Variants in PARPBP observed in about 807,000 individuals in gnomAD.
PARPBP encodes the protein PARP1 binding protein, also known as PCNA-interacting partner.
PARPBP carries 52 observed loss-of-function variants against 50.0 expected under a neutral mutation model. That is an observed-to-expected ratio of 1.04 (90% confidence interval 0.83 to 1.31). The LOEUF (loss-of-function observed/expected upper bound fraction) is 1.31, where lower values mean the gene tolerates loss of function less well. Among genes scored for constraint, PARPBP ranks in the 50% most tolerant of loss-of-function variants. The pLI is 0.00. For synonymous variants in PARPBP, 244 were observed against 232.1 expected (o/e 1.05, Z -0.47); for missense variants, 697 against 672.0 (o/e 1.04, Z -0.41).
At position 102,196,343 on chromosome 12, in the gene PARPBP, G is replaced by T; in HGVS notation, c.*52G>T. 8.5e-7 allele frequency: 1 copy of T among 1,179,954 alleles called. No individual in the cohort carries two copies. Among genetic ancestry groups the T allele is most frequent in the Non-Finnish European group, 1.2e-6 (1 of 830,984 alleles). 73.1% of individuals were successfully genotyped at this position (1,179,954 alleles called of 1,614,324 possible). A position where few individuals can be genotyped will look rare whatever the true frequency, so the allele number is the denominator to read the frequency against. On this transcript the variant is annotated 3_prime_UTR_variant, in exon 11 of 11. Coordinates refer to ENST00000327680, the MANE Select transcript of PARPBP (RefSeq NM_017915.5). Reference sequence around the variant, plus strand: ...ATGTATCTATAAACCATTCACCAAAGACATGCTTAATTTTTAAGAGATCAA... The same window carrying T: ...ATGTATCTATAAACCATTCACCAAATACATGCTTAATTTTTAAGAGATCAA...
chr12:102,190,850 T>G (rs973863519), intron 9 of PARPBP, among the ~76,000 whole-genome samples: 4 of 151,988 alleles, frequency 2.6e-5, no homozygotes, highest in African/African-American at 9.7e-5. Context: ...TGGAGTGAAA[T>G]GAAATGGGTG....
At chr12:102,175,721 T>C (rs1243109343) in intron 7 of PARPBP, 55 bp downstream of exon 7, 1 of 1,121,862 alleles carries the variant, frequency 8.9e-7, no homozygotes, top group Admixed American at 2.5e-5. Context: ...ATCTCTTCTA[T>C]TTATTGTAGA....
intron 2 of PARPBP, among the ~76,000 whole-genome samples, chr12:102,136,594 C>T (rs1473651364): frequency 6.6e-6 from 1 of 152,168 alleles, no homozygotes; most frequent in Non-Finnish European, 1.5e-5. Flanking sequence ...TTTCTACTTG[C>T]TAATTCACTT....
In PARPBP at chr12:102,164,603, T is replaced by A; in HGVS notation, c.661T>A (p.Phe221Ile). 6.2e-7 allele frequency: 1 copy of A among 1,612,986 alleles called. No individual in the cohort carries two copies. The highest frequency in any genetic ancestry group is 8.5e-7 in the Non-Finnish European group (1 of 1,179,140). The change falls in exon 5 of 11, where the codon TTT (phenylalanine) becomes ATT (isoleucine). Residue 221 changes from phenylalanine to isoleucine, a missense_variant. Phe to Ile is a conservative substitution (Grantham distance 21). Coordinates refer to ENST00000327680, the MANE Select transcript of PARPBP (RefSeq NM_017915.5). ...TGCTCGAGAGAAACAAATGTCTATC[T>A]TTTTGGTATGGTTGTGTGACATGTT... ...HAAREKQMSI[F>I]LVATSFIRTI... is the part of the protein sequence containing the mutation.
At chr12:102,170,976 A>G (rs1330677778) in intron 6 of PARPBP, among the ~76,000 whole-genome samples, 1 of 142,762 alleles carries the variant, frequency 7.0e-6, no homozygotes, top group African/African-American at 2.6e-5. Flanking sequence ...ACATTAGCCT[A>G]GGTCTACACA....
rs778680684 is a variant in PARPBP at position 102,196,343 on chromosome 12, G to C, written c.*52G>C. 2 of 1,179,954 alleles carry C rather than the reference G, an allele frequency of 1.7e-6. No homozygotes were observed. Among genetic ancestry groups the C allele is most frequent in the Admixed American group, 4.7e-5 (2 of 42,668 alleles). The allele number at this position is 1,179,954 out of a possible 1,614,324, so 73.1% of individuals were successfully genotyped here. ...ATGTATCTATAAACCATTCACCAAA[G>C]ACATGCTTAATTTTTAAGAGATCAA... On this transcript the variant is annotated 3_prime_UTR_variant, in exon 11 of 11. Transcript: ENST00000327680.
chr12:102,180,547 A>G (rs977706935), intron 8 of PARPBP, among the ~76,000 whole-genome samples: 1 of 152,092 alleles, frequency 6.6e-6, no homozygotes, highest in African/African-American at 2.4e-5. Flanking sequence ...TGCAAAAATA[A>G]AAAAGAATTA....
At chr12:102,133,376 G>GC (rs1555211511) in intron 2 of PARPBP, among the ~76,000 whole-genome samples, 2 of 151,878 alleles carry the variant, frequency 1.3e-5, no homozygotes, top group Non-Finnish European at 2.9e-5. Context: ...TTTGTCAGAT[G>GC]TTTTTTTCTG....
At chr12:102,184,909 A>G (rs1206375471) in intron 9 of PARPBP, among the ~76,000 whole-genome samples, 1 of 152,174 alleles carries the variant, frequency 6.6e-6, no homozygotes, top group Non-Finnish European at 1.5e-5. Flanking sequence ...CTTTTGGCAT[A>G]TAGTGGTTTT....
chr12:102,161,639 G>T (rs1055722953), intron 4 of PARPBP, among the ~76,000 whole-genome samples: 1 of 152,082 alleles, frequency 6.6e-6, no homozygotes, highest in African/African-American at 2.4e-5. Context: ...ATCAGAAAGT[G>T]GCTAGGCATG....
Position 102,195,931 on chromosome 12 carries a change from C to T in PARPBP, c.1400-20C>T. 1 of 1,479,298 alleles carries T rather than the reference C, an allele frequency of 6.8e-7. No homozygotes were observed. Among genetic ancestry groups the T allele is most frequent in the Non-Finnish European group, 9.2e-7 (1 of 1,092,890 alleles). 91.6% of individuals were successfully genotyped at this position (1,479,298 alleles called of 1,614,324 possible). ...CTCAATATCATGTAATTCCTTTCCC[C>T]TTTTTATCTTGCATAACAGAGGGTG... On this transcript the variant is annotated intron_variant, in intron 10 of 10. Transcript: ENST00000327680.
intron 4 of PARPBP, among the ~76,000 whole-genome samples, chr12:102,158,054 G>A (rs1446996687): frequency 6.7e-6 from 1 of 148,348 alleles, no homozygotes; most frequent in Admixed American, 6.8e-5. Flanking sequence ...TGGGAGGCGG[G>A]AGCTTGCAGT....
In PARPBP at chr12:102,165,671, G is replaced by A. The variant is rs962011064; in HGVS notation, c.667-58G>A. 3.0e-6 allele frequency: 4 copies of A among 1,335,314 alleles called. No homozygotes were observed. In the South Asian group the frequency reaches 3.8e-5, roughly 13 times the overall value. The allele number at this position is 1,335,314 out of a possible 1,614,324, so 82.7% of individuals were successfully genotyped here. A position where few individuals can be genotyped will look rare whatever the true frequency, so the allele number is the denominator to read the frequency against. ...ATATAGATTTACTTAGCTTTATGAA[G>A]TAAATTACAGTTTAATAAATCACTG... On this transcript the variant is annotated intron_variant, in intron 5 of 10. Transcript: ENST00000327680.
intron 4 of PARPBP, chr12:102,154,839 C>A (rs1191340342): frequency 2.2e-6 from 1 of 455,420 alleles, no homozygotes; most frequent in Non-Finnish European, 4.4e-6. Flanking sequence ...CCTCCCAGTC[C>A]TGAAGAGATA....
At chr12:102,157,380 A>AT (rs1887068701) in intron 4 of PARPBP, among the ~76,000 whole-genome samples, 1 of 152,018 alleles carries the variant, frequency 6.6e-6, no homozygotes, top group Non-Finnish European at 1.5e-5. Context: ...CCATATTTAA[A>AT]TTTCTCCATT....
At chr12:102,120,557 A>G (rs895019643) in intron 1 of PARPBP, 2 of 453,710 alleles carry the variant, frequency 4.4e-6, no homozygotes, top group Non-Finnish European at 8.9e-6. Context: ...AACTTCCATT[A>G]GTTAGGCAGG....
chr12:102,162,142 A>G (rs962148923), intron 4 of PARPBP, among the ~76,000 whole-genome samples: 34 of 152,296 alleles, frequency 2.2e-4, no homozygotes, highest in African/African-American at 4.1e-4. Context: ...ATGCTTAACA[A>G]CTATCTAAGA....
intron 4 of PARPBP, among the ~76,000 whole-genome samples, chr12:102,156,481 T>C (rs976835823): frequency 2.0e-5 from 3 of 151,846 alleles, no homozygotes; most frequent in Non-Finnish European, 2.9e-5. Flanking sequence ...TGTGAGCCAC[T>C]GCGCCCGGCC....
intron 4 of PARPBP, among the ~76,000 whole-genome samples, chr12:102,162,326 A>C (rs1887686870): frequency 6.6e-6 from 1 of 152,214 alleles, no homozygotes; most frequent in African/African-American, 2.4e-5. Flanking sequence ...GACTGAAATT[A>C]CTGAAGGATT....
Sources: allele counts gnomAD v4.1 joint callset (sites outside exome capture counted in the v4.1 genomes callset), GRCh38; gene constraint gnomAD v4.1.1; transcripts MANE v1.5; gene names NCBI Gene and HGNC (gene_info 2026-07-23, HGNC 2026-07-21).